The following RIT2 variants were observed in gnomAD, a reference collection of about 807,000 sequenced individuals.
RIT2 encodes Ras like without CAAX 2.
A neutral mutation model predicts 23.7 loss-of-function variants in RIT2; 24 were observed. The ratio of observed to expected loss-of-function variants is 1.01; its 90% CI spans 0.73 to 1.43. The LOEUF (loss-of-function observed/expected upper bound fraction) is 1.43, where lower values mean the gene tolerates loss of function less well. Ranked by LOEUF, RIT2 falls within the 40% of genes most tolerant of loss-of-function variation. RIT2 has a pLI of 0.00. For missense variants in RIT2, 236 were observed against 266.9 expected, an observed-to-expected ratio of 0.88 and a Z score of 0.81; for synonymous variants, 107 against 91.1, an observed-to-expected ratio of 1.17 and a Z score of -0.99.
At chr18:42,968,251 T>C (rs909520015) in intron 3 of RIT2, among the ~76,000 whole-genome samples, 1 of 152,122 alleles carries the variant, frequency 6.6e-6, no homozygotes, top group Admixed American at 6.6e-5. Context: ...AGCTACTAGT[T>C]TGTGGTTTGG....
intron 1 of RIT2, among the ~76,000 whole-genome samples, chr18:43,105,498 A>AGGAAGGGAGGAAGAGAGGAAGAG (rs1568083831): frequency 3.8e-5 from 2 of 52,148 alleles, no homozygotes; most frequent in East Asian, 9.6e-4. Flanking sequence ...GGGAGGAAGA[A>AGGAAGGGAGGAAGAGAGGAAGAG]AGGGAGGGAG....
chr18:43,004,724 A>G (rs1598745283), intron 2 of RIT2, among the ~76,000 whole-genome samples: 1 of 151,966 alleles, frequency 6.6e-6, no homozygotes, highest in East Asian at 2.0e-4. Context: ...GAGACCATTC[A>G]CTACAACAAA....
At chr18:43,087,991 G>C (rs1452061095) in intron 1 of RIT2, among the ~76,000 whole-genome samples, 8 of 152,080 alleles carry the variant, frequency 5.3e-5, no homozygotes, top group African/African-American at 1.9e-4. Flanking sequence ...TATTAGCCTA[G>C]TGTATGGACA....
intron 4 of RIT2, among the ~76,000 whole-genome samples, chr18:42,888,249 A>G (rs1048613500): frequency 6.6e-6 from 1 of 152,044 alleles, no homozygotes; most frequent in Non-Finnish European, 1.5e-5. Context: ...GGCAGAAAGT[A>G]TATGGGAACC....
At chr18:43,071,147 T>G (rs1412227961) in intron 1 of RIT2, among the ~76,000 whole-genome samples, 1 of 152,210 alleles carries the variant, frequency 6.6e-6, no homozygotes, top group Non-Finnish European at 1.5e-5. Context: ...GCAAGGGAAA[T>G]TTTTAATTGC....
chr18:42,871,099 G>A (rs1314177412), intron 4 of RIT2, among the ~76,000 whole-genome samples: 1 of 152,134 alleles, frequency 6.6e-6, no homozygotes, highest in Non-Finnish European at 1.5e-5. Flanking sequence ...CTCATGTTGA[G>A]ATATTATTAT....
Position 43,022,496 on chromosome 18 carries a change from T to C in RIT2, c.160+11315A>G, listed in dbSNP as rs1318373938. ...TAGAAATGGTCAATACGCAGGATGATGGATACCCTAAATACTGTCATTTGA... is the reference window on the plus strand; with the variant it reads ...TAGAAATGGTCAATACGCAGGATGACGGATACCCTAAATACTGTCATTTGA... On this transcript the variant is annotated intron_variant, in intron 2 of 4. Transcript: ENST00000326695. Among the ~76,000 whole-genome samples the C allele has an allele frequency of 2.9e-4, 44 of 152,106 alleles. 1 individual carries two copies. Among genetic ancestry groups the C allele is most frequent in the Admixed American group, 2.9e-3 (44 of 15,262 alleles).
chr18:42,763,453 C>G (rs188267530), intron 4 of RIT2, among the ~76,000 whole-genome samples: 3 of 93,576 alleles, frequency 3.2e-5, no homozygotes, highest in Non-Finnish European at 4.3e-5. Context: ...CAGAGCGAGA[C>G]TCCGTCTCAA....
At chr18:42,877,948 G>A (rs1301202921) in intron 4 of RIT2, among the ~76,000 whole-genome samples, 4 of 151,778 alleles carry the variant, frequency 2.6e-5, no homozygotes, top group African/African-American at 7.2e-5. Context: ...TGAATTCTGT[G>A]TTTAGACTTC....
At chr18:42,826,263 A>G (rs1906294760) in intron 4 of RIT2, among the ~76,000 whole-genome samples, 1 of 152,082 alleles carries the variant, frequency 6.6e-6, no homozygotes, top group Admixed American at 6.5e-5. Flanking sequence ...AGAAAGCTGA[A>G]GCAGGTAGAT....
chr18:43,006,177 T>C (rs1332212102), intron 2 of RIT2, among the ~76,000 whole-genome samples: 3 of 151,724 alleles, frequency 2.0e-5, no homozygotes, highest in Non-Finnish European at 2.9e-5. Flanking sequence ...TGCTGTATAG[T>C]AGTACAATTT....
intron 4 of RIT2, among the ~76,000 whole-genome samples, chr18:42,755,579 A>G (rs770709573): frequency 1.3e-5 from 2 of 152,132 alleles, no homozygotes; most frequent in African/African-American, 2.4e-5. Flanking sequence ...TCATCTCACT[A>G]ATTTGCCTAT....
chr18:42,915,554 A>T (rs894385545), intron 4 of RIT2, among the ~76,000 whole-genome samples: 3 of 152,030 alleles, frequency 2.0e-5, no homozygotes, highest in Non-Finnish European at 2.9e-5. Context: ...GCAGTCAATG[A>T]TCCATGAAAA....
At chr18:42,818,721 T>C (rs375977996) in intron 4 of RIT2, among the ~76,000 whole-genome samples, 128 of 152,108 alleles carry the variant, frequency 8.4e-4, no homozygotes, top group African/African-American at 3.0e-3. Context: ...ACACAGTCAA[T>C]ATAGCTGGGT....
At chr18:42,979,566 TA>T (rs1055555246) in intron 2 of RIT2, among the ~76,000 whole-genome samples, 1 of 152,154 alleles carries the variant, frequency 6.6e-6, no homozygotes, top group African/African-American at 2.4e-5. Context: ...ATTACTTGAA[TA>T]AATCATCTCA....
intron 4 of RIT2, among the ~76,000 whole-genome samples, chr18:42,902,403 T>C (rs997740339): frequency 1.3e-5 from 2 of 151,746 alleles, no homozygotes; most frequent in East Asian, 3.8e-4. Flanking sequence ...GGACAACAGA[T>C]TGCAACCAGT....
chr18:42,803,034 T>G (rs898560530), intron 4 of RIT2, among the ~76,000 whole-genome samples: 1 of 152,192 alleles, frequency 6.6e-6, no homozygotes, highest in Non-Finnish European at 1.5e-5. Flanking sequence ...AATTTCCACT[T>G]CTGTAAGTTG....
chr18:42,896,649 T>C (rs1356781498), intron 4 of RIT2, among the ~76,000 whole-genome samples: 1 of 152,190 alleles, frequency 6.6e-6, no homozygotes, highest in Non-Finnish European at 1.5e-5. Flanking sequence ...GTCAGAAGAA[T>C]GTGCACATAT....
chr18:43,106,348 G>A (rs1379014810), intron 1 of RIT2, among the ~76,000 whole-genome samples: 1 of 152,196 alleles, frequency 6.6e-6, no homozygotes, highest in Non-Finnish European at 1.5e-5. Context: ...AACTGGTAAA[G>A]TGTCTAAGGA....
Sources: gnomAD v4.1 joint callset for allele counts (sites outside exome capture counted in the v4.1 genomes callset) on GRCh38, gnomAD v4.1.1 for gene constraint, MANE v1.5 for transcripts, NCBI Gene and HGNC (gene_info 2026-07-23, HGNC 2026-07-21) for gene names.